MON1A: variants seen among roughly 807,000 people sequenced by gnomAD.
MON1A encodes the protein vacuolar fusion protein MON1 homolog A.
In MON1A, 29 loss-of-function variants were observed where a neutral mutation model predicts 44.6. The observed-to-expected ratio is 0.65, with a 90% CI of 0.48 to 0.89. MON1A has a LOEUF of 0.89. Ranked by LOEUF, MON1A falls within the 40% of genes least tolerant of loss-of-function variation. MON1A has a pLI of 0.00. For missense variants in MON1A, 615 were observed against 759.6 expected (o/e 0.81, Z 2.24); for synonymous variants, 275 against 316.4 (o/e 0.87, Z 1.39).
At chr3:49,929,083 G>A (rs546685989) in intron 1 of MON1A, among the ~76,000 whole-genome samples, 37 of 152,292 alleles carry the variant, frequency 2.4e-4, no homozygotes, top group African/African-American at 7.9e-4. Flanking sequence ...TTAGCTGGGC[G>A]TGGTGGCGCA....
Position 49,911,249 on chromosome 3 carries a change from T to TGA in MON1A, c.613+276_613+277insTC, listed in dbSNP as rs1559492035. On this transcript the variant is annotated intron_variant, in intron 3 of 5. Coordinates refer to ENST00000296473, the MANE Select transcript of MON1A (RefSeq NM_032355.4). This position sits in a 1 kb window ranked among gnomAD's most constrained non-coding sequence, Gnocchi z 5.7. The stretch of plus-strand genomic sequence containing the variant: ...AGATAGATAGATAGATAGATAGAGT[T>TGA]TGTTGTTGTTGTTGTTGTTGCCTCC... Among the ~76,000 whole-genome samples, 10 of 54,110 alleles carry TGA rather than the reference T, an allele frequency of 1.8e-4. No homozygotes were observed. The highest frequency in any genetic ancestry group is 7.1e-4 in the African/African-American group (9 of 12,754). The allele number at this position is 54,110 out of a possible 152,430, so 35.5% of individuals were successfully genotyped here.
chr3:49,911,421 A>C lies in MON1A; in HGVS notation c.613+105T>G. 1 of 1,462,148 alleles carries C rather than the reference A, an allele frequency of 6.8e-7. No homozygotes were observed. Among genetic ancestry groups the C allele is most frequent in the Admixed American group, 2.2e-5 (1 of 44,556 alleles). 90.6% of individuals were successfully genotyped at this position (1,462,148 alleles called of 1,614,324 possible). On this transcript the variant is annotated intron_variant, in intron 3 of 5. Transcript: ENST00000296473. This position sits in a 1 kb window ranked among gnomAD's most constrained non-coding sequence, Gnocchi z 5.7. ...CAGAGAGGTAGAGGGACTTACCCTC[A>C]GTCACACAGCACATCCCAGCCCTCT...
Position 49,910,063 on chromosome 3 carries a change from C to T in MON1A, c.1379+56G>A, listed in dbSNP as rs1282573761. ...CTCAGAGCTCAGGACCAAACAGCCT[C>T]CCGACTCCACATGTCCCTGTCCCGC... On this transcript the variant is annotated intron_variant, in intron 4 of 5. Coordinates refer to ENST00000296473, the MANE Select transcript of MON1A (RefSeq NM_032355.4). The surrounding 1 kb of genome is among the most constrained non-coding windows in gnomAD (Gnocchi z 8.0). 4 of 1,518,458 alleles carry T rather than the reference C, an allele frequency of 2.6e-6. No homozygotes were observed. In the African/African-American group the frequency reaches 4.2e-5, roughly 16 times the overall value. The allele number at this position is 1,518,458 out of a possible 1,614,324, so 94.1% of individuals were successfully genotyped here. A position where few individuals can be genotyped will look rare whatever the true frequency, so the allele number is the denominator to read the frequency against.
intron 1 of MON1A, chr3:49,929,338 G>C (rs915246625): frequency 1.8e-6 from 1 of 543,808 alleles, no homozygotes; most frequent in African/African-American, 1.9e-5. Context: ...TTGTTGGCGG[G>C]GCGGGGGTGG....
Position 49,910,403 on chromosome 3 carries a change from C to T in MON1A, c.1095G>A (p.Thr365=), listed in dbSNP as rs2082861596. 1.2e-6 allele frequency: 2 copies of T among 1,614,068 alleles called. No individual in the cohort carries two copies. Among genetic ancestry groups the T allele is most frequent in the African/African-American group, 1.3e-5 (1 of 74,932 alleles). Residue 365 remains threonine, a synonymous_variant, in exon 4 of 6, where the codon ACG becomes ACA. Transcript: ENST00000296473. This position sits in a 1 kb window ranked among gnomAD's most constrained non-coding sequence, Gnocchi z 8.0. ...SSSFREGEAW[T]PVCLPKFNAA... ...CGTTGAATTTGGGCAGGCACACGGG[C>T]GTCCAGGCCTCGCCCTCGCGAAAGG...
chr3:49,920,657 G>A (rs1452993832), intron 1 of MON1A: 2 of 151,568 alleles, frequency 1.3e-5, no homozygotes, highest in Non-Finnish European at 2.9e-5. Flanking sequence ...GGCTAACCTG[G>A]TGAAACCCCA....
Position 49,909,036 on chromosome 3 carries a change from A to C in MON1A, c.1646T>G (p.Ile549Ser), listed in dbSNP as rs1223948326. ...CCATCAATAGGTGAGGGGCGTGAGA[A>C]TGAAGAGGCGGTCTTCCTCTTTGCG... The part of the protein sequence containing the change: ...WIRKEEDRLF[I>S]LTPLTY The change falls in exon 6 of 6, where the codon ATT (isoleucine) becomes AGT (serine). Residue 549 changes from isoleucine (I) to serine (S), a missense_variant. By Grantham distance (142) the Ile-to-Ser change is moderately radical (BLOSUM62 -2). Transcript: ENST00000296473. This position sits in a 1 kb window ranked among gnomAD's most constrained non-coding sequence, Gnocchi z 4.0. 6.2e-7 allele frequency: 1 copy of C among 1,613,502 alleles called. No homozygotes were observed. Among genetic ancestry groups the C allele is most frequent in the African/African-American group, 1.3e-5 (1 of 74,924 alleles).
In MON1A at chr3:49,910,933, T is replaced by C. The variant is rs1575470050; in HGVS notation, c.614-49A>G. On this transcript the variant is annotated intron_variant, in intron 3 of 5. Transcript: ENST00000296473. This position sits in a 1 kb window ranked among gnomAD's most constrained non-coding sequence, Gnocchi z 8.0. ...GATGTCAGCCTCAGCGGCAGCTCCC[T>C]CCGAAAACCGCCTTCCAGCGCAGCT... 2 of 1,533,958 alleles carry C rather than the reference T, an allele frequency of 1.3e-6. No homozygotes were observed. Among genetic ancestry groups the C allele is most frequent in the Non-Finnish European group, 1.8e-6 (2 of 1,138,170 alleles).
rs749340915 is a variant in MON1A at position 49,911,953 on chromosome 3, CTCAG to C, written c.182_185del (p.Thr61SerfsTer36). 5 of 1,612,994 alleles carry C rather than the reference CTCAG, an allele frequency of 3.1e-6. No individual in the cohort carries two copies. The highest frequency in any genetic ancestry group is 1.7e-5 in the Admixed American group (1 of 59,930). ...CCCCAGAAGCTGCCCCATCCTCTGACTCAGTCAGGTCCTCGTAGGAACGGGCATG... is the reference window on the plus strand; with the variant it reads ...CCCCAGAAGCTGCCCCATCCTCTGACTCAGGTCCTCGTAGGAACGGGCATG... On this transcript the variant is annotated frameshift_variant, in exon 3 of 6. Transcript: ENST00000296473. LOFTEE classifies it high-confidence loss of function. The surrounding 1 kb of genome is among the most constrained non-coding windows in gnomAD (Gnocchi z 5.7).
In MON1A at chr3:49,911,637, C is replaced by A. The variant is rs1281726526; in HGVS notation, c.502G>T (p.Val168Leu). ...TCCTCAGACCCATAGCGGGAGTACA[C>A]AGGCTTCCCTGCCTCACTCAGCACA... ...VFVLSEAGKP[V>L]YSRYGSEEAL... The change falls in exon 3 of 6, where the codon GTG becomes TTG. Residue 168 changes from valine (V) to leucine (L), a missense_variant. Transcript: ENST00000296473. The surrounding 1 kb of genome is among the most constrained non-coding windows in gnomAD (Gnocchi z 5.7). 2.5e-6 allele frequency: 4 copies of A among 1,614,070 alleles called. No homozygotes were observed. In the African/African-American group the frequency reaches 4.0e-5, roughly 16 times the overall value.
At chr3:49,923,137 C>A (rs1233008943) in intron 1 of MON1A, among the ~76,000 whole-genome samples, 4 of 151,668 alleles carry the variant, frequency 2.6e-5, no homozygotes, top group African/African-American at 9.7e-5. Flanking sequence ...GTCAGGCGAT[C>A]GAGACCATGC....
Position 49,911,668 on chromosome 3 carries a change from A to G in MON1A, c.471T>C (p.His157=). ...TCCCTGCCTCACTCAGCACAAAGACATGCTTCTGGTGCAGGCGCCATGCCT... is the reference window on the plus strand; with the variant it reads ...TCCCTGCCTCACTCAGCACAAAGACGTGCTTCTGGTGCAGGCGCCATGCCT... ...ATEAWRLHQK[H]VFVLSEAGKP... is the part of the protein sequence containing the mutation. Residue 157 remains histidine (H), a synonymous_variant, in exon 3 of 6, where the codon CAT becomes CAC. Coordinates refer to ENST00000296473, the MANE Select transcript of MON1A (RefSeq NM_032355.4). The surrounding 1 kb of genome is among the most constrained non-coding windows in gnomAD (Gnocchi z 5.7). The G allele has an allele frequency of 6.2e-7, 1 of 1,614,122 alleles. No homozygotes were observed. The highest frequency in any genetic ancestry group is 8.5e-7 in the Non-Finnish European group (1 of 1,179,996).
At chr3:49,912,082 C>G in intron 2 of MON1A, 71 bp from the exon 3 acceptor site, 1 of 1,507,790 alleles carries the variant, frequency 6.6e-7, no homozygotes, top group African/African-American at 1.4e-5. Flanking sequence ...AGGTGCCTAA[C>G]GTGGTCACTC....
intron 1 of MON1A, among the ~76,000 whole-genome samples, chr3:49,923,198 G>A (rs555510907): frequency 6.6e-5 from 10 of 151,472 alleles, no homozygotes; most frequent in African/African-American, 1.9e-4. Context: ...AAAATTAGCC[G>A]GGTGTGGTGG....
rs2082848580 is a variant in MON1A, at chr3:49,909,378, T to C, written c.1402A>G (p.Thr468Ala). The C allele has an allele frequency of 6.2e-7, 1 of 1,613,978 alleles. No individual in the cohort carries two copies. Among genetic ancestry groups the C allele is most frequent in the Non-Finnish European group, 8.5e-7 (1 of 1,179,950 alleles). Residue 468 changes from threonine to alanine, a missense_variant, in exon 5 of 6, where the codon ACC (threonine) becomes GCC (alanine). Thr to Ala is a moderately conservative substitution (Grantham distance 58). Coordinates refer to ENST00000296473, the MANE Select transcript of MON1A (RefSeq NM_032355.4). The surrounding 1 kb of genome is among the most constrained non-coding windows in gnomAD (Gnocchi z 4.0). ...FTSPEIEAPY[T>A]SEEEQERLLG... Reference sequence around the variant, plus strand: ...AGCCGCTCCTGCTCCTCTTCACTGGTGTATGGGGCCTCAATCTCAGGGCTG... The same window carrying C: ...AGCCGCTCCTGCTCCTCTTCACTGGCGTATGGGGCCTCAATCTCAGGGCTG...
At chr3:49,916,029 G>T (rs1457159765) in intron 1 of MON1A, 14 of 152,256 alleles carry the variant, frequency 9.2e-5, no homozygotes, top group Admixed American at 9.2e-4. Context: ...GACTAGAAGG[G>T]CAGAGACTCA....
At chr3:49,929,376 C>T (rs1190106287) in intron 1 of MON1A, 8 of 596,852 alleles carry the variant, frequency 1.3e-5, no homozygotes, top group East Asian at 2.9e-5. Flanking sequence ...TACCTGGCCA[C>T]TGCCCCCTAC....
In MON1A at chr3:49,910,653, A is replaced by T. The variant is rs1328099810; in HGVS notation, c.845T>A (p.Met282Lys). The change falls in exon 4 of 6, where the codon ATG (methionine) becomes AAG (lysine). Residue 282 changes from methionine (M) to lysine (K), a missense_variant. Met to Lys is a moderately conservative substitution (Grantham distance 95, BLOSUM62 -1). Coordinates refer to ENST00000296473, the MANE Select transcript of MON1A (RefSeq NM_032355.4). This position sits in a 1 kb window ranked among gnomAD's most constrained non-coding sequence, Gnocchi z 8.0. ...CATCAGGAAGCTGGGGTCTCGTGCCATGAGCTGCAGCAGGTTGTCGGTGAT... is the reference window on the plus strand; with the variant it reads ...CATCAGGAAGCTGGGGTCTCGTGCCTTGAGCTGCAGCAGGTTGTCGGTGAT... ...ERITDNLLQL[M>K]ARDPSFLMGA... The T allele has an allele frequency of 1.7e-5, 27 of 1,606,268 alleles. No individual in the cohort carries two copies. The highest frequency in any genetic ancestry group is 2.3e-5 in the Non-Finnish European group (27 of 1,175,276).
rs998649117 is a variant in MON1A, at chr3:49,910,165, G to A, written c.1333C>T (p.Leu445=). The change falls in exon 4 of 6, where the codon CTG becomes TTG. Residue 445 remains leucine, a synonymous_variant. Transcript: ENST00000296473. This position sits in a 1 kb window ranked among gnomAD's most constrained non-coding sequence, Gnocchi z 8.0. ...TTTGACTTATAGAGGAAGTGACGCA[G>A]GTCAGGGATGCCCACTTGGGCAACG... ...YSVAQVGIPD[L]RHFLYKSKSS... 3 of 1,611,106 alleles carry A rather than the reference G, an allele frequency of 1.9e-6. No individual in the cohort carries two copies. The highest frequency in any genetic ancestry group is 2.5e-6 in the Non-Finnish European group (3 of 1,177,568).
Sources: allele counts gnomAD v4.1 joint callset (sites outside exome capture counted in the v4.1 genomes callset), GRCh38; gene constraint gnomAD v4.1.1; non-coding constraint Gnocchi (gnomAD v3.1); transcripts MANE v1.5; gene names NCBI Gene and HGNC (gene_info 2026-07-23, HGNC 2026-07-21).